Variants in TUBGCP3 observed in about 807,000 individuals in gnomAD.
TUBGCP3 encodes gamma-tubulin complex component 3.
In TUBGCP3, 50 loss-of-function variants were observed where a neutral mutation model predicts 123.1. That is an observed-to-expected ratio of 0.41 (90% confidence interval 0.32 to 0.51). TUBGCP3 has a LOEUF of 0.51. Ranked by LOEUF, TUBGCP3 falls within the 20% of genes least tolerant of loss-of-function variation. The pLI, the probability that TUBGCP3 is intolerant of heterozygous loss-of-function variation, is 0.36. For missense variants in TUBGCP3, 882 were observed against 1,127.0 expected (o/e 0.78, Z 3.11); for synonymous variants, 405 against 413.9 (o/e 0.98, Z 0.26).
rs531138337 is a variant in TUBGCP3 at position 112,508,946 on chromosome 13, C to T, written c.2087-4232G>A. On this transcript the variant is annotated intron_variant, in intron 17 of 21. Transcript: ENST00000261965. This position sits in a 1 kb window ranked among gnomAD's most constrained non-coding sequence, Gnocchi z 4.2. ...AACCATAAAGGCCAACGTCACCGCA[C>T]ACGGATTATTACAACTGGCTGCCCT... Among the ~76,000 whole-genome samples, 1 of 152,318 alleles carries T rather than the reference C, an allele frequency of 6.6e-6. No individual in the cohort carries two copies. The highest frequency in any genetic ancestry group is 6.5e-5 in the Admixed American group (1 of 15,304).
At chr13:112,507,022 A>G (rs1262792348) in intron 17 of TUBGCP3, among the ~76,000 whole-genome samples, 3 of 152,234 alleles carry the variant, frequency 2.0e-5, no homozygotes, top group African/African-American at 7.2e-5. Flanking sequence ...ACAGGTGCAC[A>G]GAGTGTACAT....
chr13:112,565,074 CAAT>C (rs564689672), intron 3 of TUBGCP3, 34 bp downstream of exon 3: 5 of 1,574,766 alleles, frequency 3.2e-6, no homozygotes, highest in Admixed American at 1.7e-5. Context: ...ATATCCTCAA[CAAT>C]GAGTGCAATG....
chr13:112,578,664 G>A (rs914885279), intron 1 of TUBGCP3, among the ~76,000 whole-genome samples: 13 of 148,698 alleles, frequency 8.7e-5, no homozygotes, highest in African/African-American at 2.7e-4. Context: ...TTAATGCAAC[G>A]CGACCTTTCG....
rs772573213 is a variant in TUBGCP3, at chr13:112,511,265, G to A, written c.2086+5175C>T. The stretch of plus-strand genomic sequence containing the variant: ...CCCTCACAGGGCACTGCTGGCCCGC[G>A]GGCACCTGCCTTTCCTGGTAAGATA... On this transcript the variant is annotated intron_variant, in intron 17 of 21. Transcript: ENST00000261965. The surrounding 1 kb of genome is among the most constrained non-coding windows in gnomAD (Gnocchi z 4.1). Among the ~76,000 whole-genome samples, 17 of 152,156 alleles carry A rather than the reference G, an allele frequency of 1.1e-4. No individual in the cohort carries two copies. Among genetic ancestry groups the A allele is most frequent in the Non-Finnish European group, 2.1e-4 (14 of 68,026 alleles).
At chr13:112,601,866 G>A in the TUBGCP3 span, among the ~76,000 whole-genome samples, 2 of 152,258 alleles carry the variant, frequency 1.3e-5, no homozygotes, top group African/African-American at 4.8e-5. Flanking sequence ...CATGGCTACA[G>A]AGAGCCCAGA....
intron 17 of TUBGCP3, among the ~76,000 whole-genome samples, chr13:112,515,730 T>C (rs967257416): frequency 3.9e-5 from 6 of 152,326 alleles, no homozygotes; most frequent in African/African-American, 9.6e-5. Context: ...CAATTCTACA[T>C]GTCAGTGTTG....
chr13:112,533,783 C>G (rs1408186543), intron 11 of TUBGCP3, among the ~76,000 whole-genome samples: 1 of 144,640 alleles, frequency 6.9e-6, no homozygotes, highest in Non-Finnish European at 1.5e-5. Context: ...AAGCAGAGTT[C>G]TTTCTAAGAG....
intron 21 of TUBGCP3, among the ~76,000 whole-genome samples, chr13:112,488,879 C>A (rs1378202722): frequency 7.0e-6 from 1 of 143,072 alleles, no homozygotes; most frequent in African/African-American, 2.6e-5. Flanking sequence ...ACACCCACCA[C>A]AGGGGAGCAC....
At chr13:112,558,156 C>G in intron 5 of TUBGCP3, 40 bp downstream of exon 5, 1 of 1,567,012 alleles carries the variant, frequency 6.4e-7, no homozygotes, top group Non-Finnish European at 8.7e-7. Flanking sequence ...GTCTCTGTTT[C>G]TAACACATAG....
chr13:112,556,408 T>C (rs1880047809), intron 5 of TUBGCP3, among the ~76,000 whole-genome samples, 184 bp from the exon 6 acceptor site: 1 of 152,190 alleles, frequency 6.6e-6, no homozygotes, highest in South Asian at 2.1e-4. Flanking sequence ...CCCTTGAACT[T>C]GGTCAAGCCT....
chr13:112,514,910 T>A (rs958598608), intron 17 of TUBGCP3, among the ~76,000 whole-genome samples: 1 of 152,154 alleles, frequency 6.6e-6, no homozygotes, highest in Admixed American at 6.5e-5. Flanking sequence ...CAAAGAGAAA[T>A]GATGAAATCA....
intron 11 of TUBGCP3, among the ~76,000 whole-genome samples, chr13:112,536,190 C>A (rs535386400): frequency 6.6e-6 from 1 of 152,334 alleles, no homozygotes; most frequent in Non-Finnish European, 1.5e-5. Flanking sequence ...AAAATTTGTT[C>A]AACTTTGTTC....
At chr13:112,520,346 T>C (rs1404706590) in intron 14 of TUBGCP3, among the ~76,000 whole-genome samples, 3 of 152,080 alleles carry the variant, frequency 2.0e-5, no homozygotes, top group Non-Finnish European at 4.4e-5. Flanking sequence ...CTGGCCAACA[T>C]AGTGAAATCC....
Position 112,545,317 on chromosome 13 carries a change from TC to T in TUBGCP3, c.1335+381del, listed in dbSNP as rs1215389040. The T allele has an allele frequency of 4.8e-6, 1 of 208,024 alleles. No individual in the cohort carries two copies. The highest frequency in any genetic ancestry group is 9.9e-5 in the East Asian group (1 of 10,092). The allele number at this position is 208,024 out of a possible 1,614,324, so 12.9% of individuals were successfully genotyped here. ...TAGCTACATACACAACTAACTTGTTTCATTAAGCTGTTAGCACCAAAGTGAG... is the reference window on the plus strand; with the variant it reads ...TAGCTACATACACAACTAACTTGTTTATTAAGCTGTTAGCACCAAAGTGAG... On this transcript the variant is annotated intron_variant, in intron 11 of 21. Transcript: ENST00000261965. The surrounding 1 kb of genome is among the most constrained non-coding windows in gnomAD (Gnocchi z 4.1).
intron 7 of TUBGCP3, among the ~76,000 whole-genome samples, chr13:112,554,671 G>C (rs1286971878): frequency 6.6e-6 from 1 of 152,116 alleles, no homozygotes; most frequent in Non-Finnish European, 1.5e-5. Flanking sequence ...GTAGACGTGA[G>C]GAAAGGAGGC....
rs1366322231 is a variant in TUBGCP3, at chr13:112,524,414, C to A, written c.1556-1905G>T. 6.6e-6 allele frequency among the ~76,000 whole-genome samples: 1 copy of A among 152,168 alleles called. No homozygotes were observed. The highest frequency in any genetic ancestry group is 1.5e-5 in the Non-Finnish European group (1 of 68,036). ...AAGCAGCAGCAACCTTCATGGAGAG[C>A]CTCCGGCACAGCAGGCGCATGGGGA... On this transcript the variant is annotated intron_variant, in intron 13 of 21. Transcript: ENST00000261965. The surrounding 1 kb of genome is among the most constrained non-coding windows in gnomAD (Gnocchi z 4.4).
rs199896274 is a variant in TUBGCP3 at position 112,550,247 on chromosome 13, AT to A, written c.967-2072del. ...TTATCCAGCAAAACTCCATCAAAAA[AT>A]TTTTTTTAATTGTTTTTTAAACTTG... On this transcript the variant is annotated intron_variant, in intron 8 of 21. Coordinates refer to ENST00000261965, the MANE Select transcript of TUBGCP3 (RefSeq NM_006322.6). 4.3e-3 allele frequency among the ~76,000 whole-genome samples: 651 copies of A among 152,078 alleles called. 6 individuals are homozygous for A. The highest frequency in any genetic ancestry group is 0.013 in the African/African-American group (520 of 41,448).
chr13:112,550,064 G>T (rs555746788), intron 8 of TUBGCP3, among the ~76,000 whole-genome samples: 167 of 151,308 alleles, frequency 1.1e-3, no homozygotes, highest in African/African-American at 3.9e-3. Context: ...AGCTAGAAGA[G>T]GCACCCTGAT....
intron 17 of TUBGCP3, among the ~76,000 whole-genome samples, chr13:112,507,967 CACAAA>C (rs1295519565): frequency 6.6e-6 from 1 of 152,066 alleles, no homozygotes; most frequent in Non-Finnish European, 1.5e-5. Flanking sequence ...ACTGAATGGC[CACAAA>C]ACAAAACAAA....
Sources: gnomAD v4.1 joint callset for allele counts (sites outside exome capture counted in the v4.1 genomes callset) on GRCh38, gnomAD v4.1.1 for gene constraint, Gnocchi (gnomAD v3.1) non-coding constraint, MANE v1.5 for transcripts, NCBI Gene and HGNC (gene_info 2026-07-23, HGNC 2026-07-21) for gene names.